Variants in LRFN5 observed in about 807,000 individuals in gnomAD.
LRFN5 encodes the protein leucine rich repeat and fibronectin type III domain containing 5.
In LRFN5, 24 loss-of-function variants were observed where a neutral mutation model predicts 45.6. The observed-to-expected ratio is 0.53, with a 90% CI of 0.38 to 0.74. LRFN5 has a LOEUF of 0.74. Among genes scored for constraint, LRFN5 ranks in the 30% least tolerant of loss-of-function variants. LRFN5 has a pLI of 0.00. For synonymous variants in LRFN5, 340 were observed against 313.8 expected, an observed-to-expected ratio of 1.08 and a Z score of -0.88; for missense variants, 776 against 861.5, an observed-to-expected ratio of 0.90 and a Z score of 1.24.
intron 4 of LRFN5, chr14:41,892,928 A>G (rs1890831541): frequency 2.0e-6 from 2 of 985,350 alleles, no homozygotes; most frequent in Non-Finnish European, 2.4e-6. Context: ...ATACAAGATA[A>G]AGAGGGAGAC....
rs1316888895 is a variant in LRFN5, at chr14:41,893,536, T to C, written c.2098+1574T>C. On this transcript the variant is annotated intron_variant, in intron 4 of 5. Transcript: ENST00000298119. ...CTTTGGGAGTAAGTTAAACACACAG[T>C]AAAAGTTTATTAACTTTTTCAGATC... 6 of 984,490 alleles carry C rather than the reference T, an allele frequency of 6.1e-6. No individual in the cohort carries two copies. In the East Asian group the frequency reaches 6.8e-4, roughly 112 times the overall value. The allele number at this position is 984,490 out of a possible 1,614,324, so 61.0% of individuals were successfully genotyped here. A position where few individuals can be genotyped will look rare whatever the true frequency, so the allele number is the denominator to read the frequency against.
At chr14:41,645,615 G>A (rs1371629195) in intron 1 of LRFN5, among the ~76,000 whole-genome samples, 1 of 152,254 alleles carries the variant, frequency 6.6e-6, no homozygotes, top group East Asian at 1.9e-4. Context: ...TCTCAAATGG[G>A]AGCCATTTAA....
chr14:41,837,957 A>G (rs41502454), intron 2 of LRFN5, among the ~76,000 whole-genome samples: 2,432 of 152,308 alleles, frequency 0.016, 58 homozygotes, highest in African/African-American at 0.055. Flanking sequence ...CATATACAAC[A>G]TTAACATATC....
Position 41,728,784 on chromosome 14 carries a change from G to A in LRFN5, c.-196-38070G>A, listed in dbSNP as rs79491191. Among the ~76,000 whole-genome samples, 1,310 of 152,208 alleles carry A rather than the reference G, an allele frequency of 8.6e-3. 19 individuals are homozygous for A. Among genetic ancestry groups the A allele is most frequent in the African/African-American group, 0.03 (1,241 of 41,558 alleles). On this transcript the variant is annotated intron_variant, in intron 1 of 5. Coordinates refer to ENST00000298119, the MANE Select transcript of LRFN5 (RefSeq NM_152447.5). Reference sequence around the variant, plus strand: ...ATGTTCTTAACTCAGTTGAGTGTCTGAGCATTTTAGATGAGAGACATTTTT... The same window carrying A: ...ATGTTCTTAACTCAGTTGAGTGTCTAAGCATTTTAGATGAGAGACATTTTT...
At chr14:41,754,077 C>T (rs146859552) in intron 1 of LRFN5, among the ~76,000 whole-genome samples, 147 of 152,212 alleles carry the variant, frequency 9.7e-4, no homozygotes, top group African/African-American at 3.4e-3. Flanking sequence ...TATTGATTTA[C>T]GTATATTGAA....
chr14:41,727,531 A>C (rs926164609), intron 1 of LRFN5, among the ~76,000 whole-genome samples: 1 of 152,122 alleles, frequency 6.6e-6, no homozygotes, highest in Non-Finnish European at 1.5e-5. Context: ...AAGGCTGAGC[A>C]GGGAGGATTG....
Position 41,904,293 on chromosome 14 carries a change from A to C in LRFN5, c.*118A>C. ...TTGTTGAACTGGTGTCGTAGAAGAA[A>C]TTGTCTACAGGAGCCAAGGTGAAAG... On this transcript the variant is annotated 3_prime_UTR_variant, in exon 6 of 6. Transcript: ENST00000298119. 3 of 1,234,266 alleles carry C rather than the reference A, an allele frequency of 2.4e-6. No individual in the cohort carries two copies. The South Asian group carries it at 3.7e-5, about 15-fold the overall frequency. The allele number at this position is 1,234,266 out of a possible 1,614,324, so 76.5% of individuals were successfully genotyped here. A position where few individuals can be genotyped will look rare whatever the true frequency, so the allele number is the denominator to read the frequency against.
At chr14:41,681,208 A>G (rs1881867715) in intron 1 of LRFN5, among the ~76,000 whole-genome samples, 1 of 152,204 alleles carries the variant, frequency 6.6e-6, no homozygotes, top group South Asian at 2.1e-4. Flanking sequence ...ATTCAAAGGG[A>G]TAAATAAGGA....
intron 2 of LRFN5, among the ~76,000 whole-genome samples, chr14:41,824,713 G>A (rs1888234748): frequency 1.3e-5 from 2 of 152,268 alleles, no homozygotes; most frequent in South Asian, 2.1e-4. Context: ...CTCAGGCAGT[G>A]GGGTGTTCTG....
chr14:41,711,191 C>T (rs1375119992), intron 1 of LRFN5, among the ~76,000 whole-genome samples: 1 of 152,152 alleles, frequency 6.6e-6, no homozygotes, highest in Non-Finnish European at 1.5e-5. Flanking sequence ...TACATATGTA[C>T]ACCCACACAC....
At chr14:41,735,151 C>T (rs990492770) in intron 1 of LRFN5, among the ~76,000 whole-genome samples, 1 of 152,110 alleles carries the variant, frequency 6.6e-6, no homozygotes, top group African/African-American at 2.4e-5. Context: ...GTTTTTATGT[C>T]ACTACATTGC....
At chr14:41,757,273 C>T (rs1439057893) in intron 1 of LRFN5, among the ~76,000 whole-genome samples, 3 of 152,186 alleles carry the variant, frequency 2.0e-5, no homozygotes, top group African/African-American at 4.8e-5. Context: ...AACCACTACT[C>T]TCTTCAAAGC....
chr14:41,800,955 A>G (rs1887308032), intron 2 of LRFN5, among the ~76,000 whole-genome samples: 1 of 152,108 alleles, frequency 6.6e-6, no homozygotes. Flanking sequence ...AAAAGACTGG[A>G]TATACATATA....
intron 5 of LRFN5, among the ~76,000 whole-genome samples, chr14:41,900,276 G>T (rs773419951): frequency 6.6e-6 from 1 of 151,932 alleles, no homozygotes; most frequent in Non-Finnish European, 1.5e-5. Flanking sequence ...AAATGTCTAC[G>T]TAAGTTTTCA....
chr14:41,642,875 A>C (rs1879643896), intron 1 of LRFN5, among the ~76,000 whole-genome samples: 1 of 152,220 alleles, frequency 6.6e-6, no homozygotes, highest in South Asian at 2.1e-4. Flanking sequence ...GAGGTTTTAA[A>C]TGTTAAAGAT....
intron 1 of LRFN5, chr14:41,731,386 T>C (rs1884170959): frequency 6.6e-6 from 1 of 152,180 alleles, no homozygotes; most frequent in Non-Finnish European, 1.5e-5. Flanking sequence ...TTCTGTGTTC[T>C]TCAGTGTCTT....
chr14:41,609,553 C>A (rs1243077159), intron 1 of LRFN5, among the ~76,000 whole-genome samples: 3 of 152,104 alleles, frequency 2.0e-5, no homozygotes, highest in Admixed American at 6.5e-5. Context: ...TCCCTTTCGT[C>A]TTATCTCAGC....
chr14:41,872,269 A>T (rs1215635946), intron 2 of LRFN5, among the ~76,000 whole-genome samples: 1 of 152,214 alleles, frequency 6.6e-6, no homozygotes, highest in Non-Finnish European at 1.5e-5. Flanking sequence ...TATTGAAAGA[A>T]CCCAAGTTAC....
intron 1 of LRFN5, among the ~76,000 whole-genome samples, chr14:41,619,039 T>G (rs1888021673): frequency 5.2e-5 from 1 of 19,348 alleles, no homozygotes. Flanking sequence ...GTTTTCCTCT[T>G]GTGCTAGGAG....
Sources: gnomAD v4.1 joint callset for allele counts (sites outside exome capture counted in the v4.1 genomes callset) on GRCh38, gnomAD v4.1.1 for gene constraint, MANE v1.5 for transcripts, NCBI Gene and HGNC (gene_info 2026-07-23, HGNC 2026-07-21) for gene names.